MYCBP2: variants seen among roughly 807,000 people sequenced by gnomAD.
MYCBP2 encodes the protein MYC binding protein 2.
Under a neutral mutation model 525.3 loss-of-function variants are expected in MYCBP2, and 120 were observed. That is an observed-to-expected ratio of 0.23 (90% CI 0.20 to 0.27). MYCBP2 has a LOEUF of 0.27. Among genes scored for constraint, MYCBP2 ranks in the 10% least tolerant of loss-of-function variants. MYCBP2 has a pLI of 1.00. For missense variants in MYCBP2, 4,149 were observed against 5,657.1 expected (o/e 0.73, Z 8.55); for synonymous variants, 1,894 against 1,955.8 (o/e 0.97, Z 0.83).
At chr13:77,187,586 G>A (rs543937470) in intron 30 of MYCBP2, among the ~76,000 whole-genome samples, 37 of 152,264 alleles carry the variant, frequency 2.4e-4, no homozygotes, top group Admixed American at 1.8e-3. Context: ...GTACGCAAAC[G>A]GAGAAGACTG....
At position 77,326,445 on chromosome 13, in the gene MYCBP2, G is replaced by C; in HGVS notation, c.302+29C>G. The C allele has an allele frequency of 6.6e-7, 1 of 1,521,968 alleles. No individual in the cohort carries two copies. Among genetic ancestry groups the C allele is most frequent in the South Asian group, 1.2e-5 (1 of 81,174 alleles). The allele number at this position is 1,521,968 out of a possible 1,614,324, so 94.3% of individuals were successfully genotyped here. On this transcript the variant is annotated intron_variant, in intron 1 of 82. Transcript: ENST00000544440. The surrounding 1 kb of genome is among the most constrained non-coding windows in gnomAD (Gnocchi z 4.2). ...GGGGCGCAAGGAAGGGCGGCATGGG[G>C]CGCAAGGAAGGGCACCCTGGGGACG...
At chr13:77,074,894 T>G (rs2042019495) in intron 68 of MYCBP2, among the ~76,000 whole-genome samples, 1 of 152,038 alleles carries the variant, frequency 6.6e-6, no homozygotes. Context: ...TGAGAGAAAT[T>G]TGGGGAGTGA....
chr13:77,166,575 G>A (rs1294134198), intron 40 of MYCBP2, 21 bp from the exon 41 acceptor site: 10 of 1,546,336 alleles, frequency 6.5e-6, no homozygotes, highest in Non-Finnish European at 8.9e-6. Context: ...CAGGCAAAGT[G>A]ACATGAATAC....
chr13:77,146,069 T>C (rs1349460101), intron 48 of MYCBP2, 93 bp downstream of exon 48: 1 of 777,290 alleles, frequency 1.3e-6, no homozygotes, highest in Non-Finnish European at 2.0e-6. Flanking sequence ...AAAGTATTTA[T>C]TTATAGAAAA....
chr13:77,221,312 A>G (rs1320981767), intron 20 of MYCBP2, among the ~76,000 whole-genome samples: 1 of 152,196 alleles, frequency 6.6e-6, no homozygotes, highest in African/African-American at 2.4e-5. Context: ...CAGACTTGGG[A>G]ATCGAAGAAT....
At chr13:77,106,543 A>T (rs1301684058) in intron 55 of MYCBP2, among the ~76,000 whole-genome samples, 16 of 152,196 alleles carry the variant, frequency 1.1e-4, no homozygotes, top group East Asian at 5.8e-4. Flanking sequence ...GATAAAAAAA[A>T]TTTTTTTCAA....
intron 21 of MYCBP2, among the ~76,000 whole-genome samples, chr13:77,216,877 C>T (rs893003835): frequency 2.0e-5 from 3 of 151,850 alleles, no homozygotes; most frequent in African/African-American, 7.3e-5. Context: ...TAGGAGGTAA[C>T]GGGCCATAAT....
chr13:77,151,049 T>G (rs1566719434), intron 46 of MYCBP2, 100 bp from the exon 47 acceptor site: 1 of 965,002 alleles, frequency 1.0e-6, no homozygotes, highest in African/African-American at 1.7e-5. Context: ...TATGTATACT[T>G]TATGTTAGCA....
intron 26 of MYCBP2, 53 bp downstream of exon 26, chr13:77,205,203 G>A: frequency 7.2e-7 from 1 of 1,398,048 alleles, no homozygotes; most frequent in Non-Finnish European, 9.4e-7. Context: ...AATAAATTAA[G>A]TCAAAATCAG....
chr13:77,113,091 A>C (rs973675406), intron 55 of MYCBP2, among the ~76,000 whole-genome samples: 7 of 152,170 alleles, frequency 4.6e-5, no homozygotes, highest in African/African-American at 1.4e-4. Flanking sequence ...TGGACTCAAT[A>C]AAATACTTTG....
At chr13:77,308,294 C>A (rs931596946) in intron 1 of MYCBP2, among the ~76,000 whole-genome samples, 2 of 152,180 alleles carry the variant, frequency 1.3e-5, no homozygotes, top group Non-Finnish European at 2.9e-5. Context: ...GATCTCTAAC[C>A]CAGGGCCTTA....
At chr13:77,270,271 A>G in intron 6 of MYCBP2, 25 bp downstream of exon 6, 1 of 1,586,388 alleles carries the variant, frequency 6.3e-7, no homozygotes. Flanking sequence ...CTGTATAATT[A>G]AGGAACTGTA....
Position 77,095,459 on chromosome 13 carries a change from A to G in MYCBP2, c.10098T>C (p.His3366=). ...SAAEPSILCY[H]PAKPFQSQLP... is the part of the protein sequence containing the mutation. ...ACTGAGATTGGAATGGCTTTGCAGGATGGTAACACAGAATGCTCGGTTCTG... is the reference window on the plus strand; with the variant it reads ...ACTGAGATTGGAATGGCTTTGCAGGGTGGTAACACAGAATGCTCGGTTCTG... The change falls in exon 58 of 83, where the codon CAT becomes CAC. Residue 3366 remains histidine, a synonymous_variant. Transcript: ENST00000544440. 1 of 1,613,600 alleles carries G rather than the reference A, an allele frequency of 6.2e-7. No homozygotes were observed. The highest frequency in any genetic ancestry group is 8.5e-7 in the Non-Finnish European group (1 of 1,179,704).
chr13:77,240,999 G>A (rs935067536), intron 17 of MYCBP2, among the ~76,000 whole-genome samples: 2 of 152,176 alleles, frequency 1.3e-5, no homozygotes, highest in African/African-American at 4.8e-5. Flanking sequence ...ATTTAGGACT[G>A]CAGATGAAAC....
chr13:77,301,720 A>C (rs1053962935), intron 1 of MYCBP2, among the ~76,000 whole-genome samples: 13 of 152,220 alleles, frequency 8.5e-5, no homozygotes, highest in Non-Finnish European at 1.5e-4. Flanking sequence ...GCAGACACAT[A>C]ATCAAGAGAA....
At chr13:77,314,161 C>A (rs962741744) in intron 1 of MYCBP2, among the ~76,000 whole-genome samples, 8 of 152,178 alleles carry the variant, frequency 5.3e-5, no homozygotes, top group African/African-American at 1.4e-4. Context: ...CTGGTATTAA[C>A]CCAAAGGAGC....
intron 16 of MYCBP2, among the ~76,000 whole-genome samples, chr13:77,243,393 A>T (rs1409553929): frequency 6.6e-6 from 1 of 152,188 alleles, no homozygotes; most frequent in East Asian, 1.9e-4. Flanking sequence ...TGGGCAGATC[A>T]CCTGAGGTCA....
chr13:77,093,065 C>T, intron 59 of MYCBP2, 100 bp downstream of exon 59: 1 of 1,203,854 alleles, frequency 8.3e-7, no homozygotes, highest in South Asian at 1.6e-5. Flanking sequence ...AAAACTGGCT[C>T]ACAGATGTAT....
At chr13:77,264,097 C>T (rs879518419) in intron 8 of MYCBP2, 95 bp from the exon 9 acceptor site, 19 of 895,192 alleles carry the variant, frequency 2.1e-5, no homozygotes, top group Non-Finnish European at 2.8e-5. Context: ...GAGTTCTCCA[C>T]GCAATAAGGA....
Sources: allele counts gnomAD v4.1 joint callset (sites outside exome capture counted in the v4.1 genomes callset), GRCh38; gene constraint gnomAD v4.1.1; non-coding constraint Gnocchi (gnomAD v3.1); transcripts MANE v1.5; gene names NCBI Gene and HGNC (gene_info 2026-07-23, HGNC 2026-07-21).